The following PLCXD1 variants were observed in gnomAD, a reference collection of about 807,000 sequenced individuals.
The protein encoded by PLCXD1 is phosphatidylinositol specific phospholipase C X domain containing 1, also known as PI-PLC X domain-containing protein 1.
PLCXD1 carries 45 observed loss-of-function variants against 37.8 expected under a neutral mutation model. The observed-to-expected ratio is 1.19, with a 90% CI of 0.94 to 1.53. The LOEUF (loss-of-function observed/expected upper bound fraction) is 1.53, where lower values mean the gene tolerates loss of function less well. Among genes scored for constraint, PLCXD1 ranks in the 40% most tolerant of loss-of-function variants. The pLI, the probability that PLCXD1 is intolerant of heterozygous loss-of-function variation, is 0.00. For synonymous variants in PLCXD1, 246 were observed against 206.9 expected, an observed-to-expected ratio of 1.19 and a Z score of -1.62; for missense variants, 539 against 454.7, an observed-to-expected ratio of 1.19 and a Z score of -1.69.
chrX:285,653 GCA>G (rs904764929), intron 2 of PLCXD1, among the ~76,000 whole-genome samples: 89 of 151,798 alleles, frequency 5.9e-4, no homozygotes, highest in Non-Finnish European at 1.0e-3. Context: ...GTACACACAT[GCA>G]CACACGTAGA....
At chrX:280,395 AGG>A (rs1289568806), upstream of PLCXD1, among the ~76,000 whole-genome samples, 2 of 16,378 alleles carry the variant, frequency 1.2e-4, 1 homozygote, top group Admixed American at 1.4e-3. Flanking sequence ...TGCAGGGGGA[AGG>A]GAGGCCGTGC....
chrX:290,320 C>G (rs2069588176), intron 3 of PLCXD1, among the ~76,000 whole-genome samples: 1 of 151,804 alleles, frequency 6.6e-6, no homozygotes, highest in South Asian at 2.1e-4. Context: ...GTCCCAGCTA[C>G]TGGGGAGGCT....
Position 299,563 on chromosome X carries a change from G to C in PLCXD1, c.*228G>C. 1.7e-6 allele frequency: 1 copy of C among 592,568 alleles called. No homozygotes were observed. The highest frequency in any genetic ancestry group is 3.0e-6 in the Non-Finnish European group (1 of 332,600). The allele number at this position is 592,568 out of a possible 1,614,324, so 36.7% of individuals were successfully genotyped here. A position where few individuals can be genotyped will look rare whatever the true frequency, so the allele number is the denominator to read the frequency against. Reference sequence around the variant, plus strand: ...TCATGAGGTCAGGAGCTTGAGAGCAGCCTGACCAACATGGTGAAATCCCAT... The same window carrying C: ...TCATGAGGTCAGGAGCTTGAGAGCACCCTGACCAACATGGTGAAATCCCAT... On this transcript the variant is annotated 3_prime_UTR_variant, in exon 7 of 7. Transcript: ENST00000381657.
chrX:287,455 T>C (rs1289529925), intron 2 of PLCXD1, among the ~76,000 whole-genome samples: 2 of 129,952 alleles, frequency 1.5e-5, no homozygotes, highest in African/African-American at 6.3e-5. Context: ...TATATATGTT[T>C]ATATATAGAA....
chrX:293,593 C>T (rs1461360353), intron 6 of PLCXD1, among the ~76,000 whole-genome samples: 1 of 152,178 alleles, frequency 6.6e-6, no homozygotes, highest in Non-Finnish European at 1.5e-5. Context: ...AACCCTGTCT[C>T]TACTTAAGAA....
At chrX:276,848 C>T (rs1178480891), upstream of PLCXD1, among the ~76,000 whole-genome samples, 2 of 152,148 alleles carry the variant, frequency 1.3e-5, no homozygotes, top group African/African-American at 4.8e-5. Context: ...CGTTGATTCA[C>T]CCAGCAACCA....
At chrX:282,397 C>A (rs868677080) in intron 1 of PLCXD1, among the ~76,000 whole-genome samples, 1,343 of 103,226 alleles carry the variant, frequency 0.013, 26 homozygotes, top group African/African-American at 0.05. Flanking sequence ...AAAAACAAAA[C>A]AAAACAAAAA....
At chrX:277,295 A>G (rs1447523499), upstream of PLCXD1, among the ~76,000 whole-genome samples, 203 of 51,196 alleles carry the variant, frequency 4.0e-3, 7 homozygotes, top group African/African-American at 0.011. Context: ...ATAGGAGGGG[A>G]CACCCCTCAG....
chrX:292,095 A>C (rs1209792486), intron 5 of PLCXD1, among the ~76,000 whole-genome samples: 1 of 151,762 alleles, frequency 6.6e-6, no homozygotes, highest in African/African-American at 2.4e-5. Flanking sequence ...AGGTCAAGAG[A>C]TTGAGACTAT....
At chrX:292,728 T>G (rs1189204787) in intron 5 of PLCXD1, among the ~76,000 whole-genome samples, 5 of 151,960 alleles carry the variant, frequency 3.3e-5, no homozygotes, top group Admixed American at 1.3e-4. Context: ...TTCTCCTACC[T>G]CAGCCTTCTG....
At chrX:299,031 T>C in intron 6 of PLCXD1, 66 bp from the exon 7 acceptor site, 1 of 1,175,030 alleles carries the variant, frequency 8.5e-7, no homozygotes, top group Admixed American at 1.7e-5. Context: ...ATAATGTGAC[T>C]AGGAGGGAGA....
At chrX:297,911 T>C (rs748996413) in intron 6 of PLCXD1, among the ~76,000 whole-genome samples, 1 of 282 alleles carries the variant, frequency 3.5e-3, no homozygotes. Flanking sequence ...ATTCTGTCTA[T>C]CACATGGGGA....
rs1397704212 is a variant in PLCXD1, at chrX:301,590, T to A, written c.*2255T>A. ...TCCCAAGTAACTGGGAGTATAGGTG[T>A]ACACCACCATGCCCAGCTAATTATT... On this transcript the variant is annotated 3_prime_UTR_variant, in exon 7 of 7. Transcript: ENST00000381657. 6.6e-6 allele frequency: 1 copy of A among 151,822 alleles called. No individual in the cohort carries two copies. The highest frequency in any genetic ancestry group is 1.5e-5 in the Non-Finnish European group (1 of 68,000). The allele number at this position is 151,822 out of a possible 1,614,324, so 9.4% of individuals were successfully genotyped here.
In PLCXD1 at chrX:293,077, G is replaced by A. The variant is rs1258656087; in HGVS notation, c.592G>A (p.Val198Ile). The change falls in exon 6 of 7, where the codon GTC (valine) becomes ATC (isoleucine). Residue 198 changes from valine to isoleucine, a missense_variant. Coordinates refer to ENST00000381657, the MANE Select transcript of PLCXD1 (RefSeq NM_018390.4). ...LRQLWSRGQQ[V>I]IVSYEDESSL... The stretch of plus-strand genomic sequence containing the variant: ...GCAGCTGTGGTCCCGGGGCCAACAG[G>A]TCATCGTCTCCTATGAAGACGAGAG... 1.2e-6 allele frequency: 2 copies of A among 1,611,524 alleles called. No individual in the cohort carries two copies. Among genetic ancestry groups the A allele is most frequent in the East Asian group, 2.2e-5 (1 of 44,890 alleles).
intron 1 of PLCXD1, among the ~76,000 whole-genome samples, chrX:282,849 A>G (rs887867124): frequency 2.1e-5 from 3 of 146,200 alleles, no homozygotes; most frequent in African/African-American, 7.4e-5. Context: ...TTATATATGT[A>G]TATATAGTGA....
chrX:290,303 G>A (rs182979700), intron 3 of PLCXD1, among the ~76,000 whole-genome samples: 93 of 152,190 alleles, frequency 6.1e-4, no homozygotes, highest in Middle Eastern at 3.4e-3. Context: ...GGTGGCGGGC[G>A]CCTGCAGTCC....
chrX:284,053 G>A (rs1310701820), intron 1 of PLCXD1, 114 bp from the exon 2 acceptor site: 10 of 802,336 alleles, frequency 1.2e-5, no homozygotes, highest in Non-Finnish European at 2.1e-5. Flanking sequence ...ACCACGCCCA[G>A]CTAATTTTTG....
chrX:291,742 TGCTGCCATGATTCCTGTA>T, intron 5 of PLCXD1, 88 bp downstream of exon 5: 1 of 1,385,796 alleles, frequency 7.2e-7, no homozygotes, highest in Non-Finnish European at 1.0e-6. Context: ...TGGGTGTGGG[TGCTGCCATGATTCCTGTA>T]GCAGGTGAAG....
At chrX:292,594 C>A (rs945902577) in intron 5 of PLCXD1, among the ~76,000 whole-genome samples, 1 of 151,944 alleles carries the variant, frequency 6.6e-6, no homozygotes, top group Non-Finnish European at 1.5e-5. Context: ...AGGCATGAGC[C>A]CCTGCACCTG....
Sources: gnomAD v4.1 joint callset for allele counts (sites outside exome capture counted in the v4.1 genomes callset) on GRCh38, gnomAD v4.1.1 for gene constraint, MANE v1.5 for transcripts, NCBI Gene and HGNC (gene_info 2026-07-23, HGNC 2026-07-21) for gene names.